The following PSD3 variants were observed in gnomAD, a reference collection of about 807,000 sequenced individuals.
The protein encoded by PSD3 is pleckstrin and Sec7 domain containing 3.
A neutral mutation model predicts 105.5 loss-of-function variants in PSD3; 49 were observed. That is an observed-to-expected ratio of 0.46 (90% confidence interval 0.37 to 0.59). The LOEUF (loss-of-function observed/expected upper bound fraction) is 0.59. Among genes scored for constraint, PSD3 ranks in the 20% least tolerant of loss-of-function variants. PSD3 has a pLI of 0.00. For synonymous variants in PSD3, 557 were observed against 457.8 expected (o/e 1.22, Z -2.77); for missense variants, 1,561 against 1,263.8 (o/e 1.24, Z -3.57).
chr8:18,944,046 A>G (rs1042804127), intron 1 of PSD3, among the ~76,000 whole-genome samples: 1 of 152,244 alleles, frequency 6.6e-6, no homozygotes, highest in African/African-American at 2.4e-5. Flanking sequence ...CCACCCCACT[A>G]CTATATCACA....
intron 2 of PSD3, among the ~76,000 whole-genome samples, chr8:18,884,830 T>TA (rs1818353818): frequency 6.6e-6 from 1 of 152,232 alleles, no homozygotes; most frequent in Non-Finnish European, 1.5e-5. Flanking sequence ...GAAATGATAC[T>TA]AGTTTACCAT....
chr8:18,662,160 G>A (rs1007388949), intron 9 of PSD3, among the ~76,000 whole-genome samples: 4 of 151,990 alleles, frequency 2.6e-5, no homozygotes, highest in South Asian at 2.1e-4. Context: ...GCACAAATTC[G>A]TATTAATGAA....
Position 19,013,610 on chromosome 8 carries a change from C to G in PSD3, c.-27G>C. The G allele has an allele frequency of 7.0e-7, 1 of 1,428,814 alleles. No individual in the cohort carries two copies. The highest frequency in any genetic ancestry group is 9.1e-7 in the Non-Finnish European group (1 of 1,096,610). 88.5% of individuals were successfully genotyped at this position (1,428,814 alleles called of 1,614,324 possible). On this transcript the variant is annotated 5_prime_UTR_variant, in exon 1 of 16. Transcript: ENST00000327040. ...TTCCATCGCCAGCCCGGCCGCGCGC[C>G]GAAACCGCCGCCGGGCGCTCCGGGG...
chr8:18,758,811 C>T (rs1269019102), intron 9 of PSD3, among the ~76,000 whole-genome samples: 1 of 152,066 alleles, frequency 6.6e-6, no homozygotes. Context: ...ATAATCCTTT[C>T]AGCTGACAAG....
chr8:19,072,968 C>G lies in PSD3; in HGVS notation c.324+11238G>C, dbSNP rs149068016. Among the ~76,000 whole-genome samples, 329 of 152,286 alleles carry G rather than the reference C, an allele frequency of 2.2e-3. 3 individuals carry two copies. The highest frequency in any genetic ancestry group is 7.5e-3 in the African/African-American group (310 of 41,540). On this transcript the variant is annotated intron_variant, in intron 1 of 1. Transcript: ENST00000521475. Reference sequence around the variant, plus strand: ...CTATAAAGGATGGGGAACCCTGAGACTATCCGAGACTGAATTTCTTGCTGG... The same window carrying G: ...CTATAAAGGATGGGGAACCCTGAGAGTATCCGAGACTGAATTTCTTGCTGG...
chr8:19,024,543 T>C (rs546384928), intron 1 of PSD3, among the ~76,000 whole-genome samples: 1 of 152,322 alleles, frequency 6.6e-6, no homozygotes, highest in East Asian at 1.9e-4. Flanking sequence ...GAGTCCTTCA[T>C]TTTTTATTCA....
chr8:18,963,665 A>G (rs981826359), intron 1 of PSD3, among the ~76,000 whole-genome samples: 1 of 152,206 alleles, frequency 6.6e-6, no homozygotes, highest in Non-Finnish European at 1.5e-5. Context: ...AGAAAATAAG[A>G]AATGGGGGGA....
intron 9 of PSD3, chr8:18,683,737 A>T (rs761138619): frequency 1.3e-6 from 1 of 757,682 alleles, no homozygotes; most frequent in South Asian, 1.4e-5. Flanking sequence ...GCCCTGCCAC[A>T]CAGCTGTCAA....
chr8:18,572,098 T>C (rs1003367840), intron 14 of PSD3, among the ~76,000 whole-genome samples: 4 of 152,192 alleles, frequency 2.6e-5, no homozygotes, highest in Admixed American at 2.6e-4. Context: ...CCATTTCCCA[T>C]TGTAATATGA....
chr8:18,999,244 C>T (rs74474376), intron 1 of PSD3, among the ~76,000 whole-genome samples: 15,721 of 151,920 alleles, frequency 0.1, 1,214 homozygotes, highest in Non-Finnish European at 0.16. Context: ...TTCTTAACCA[C>T]CCTCCAATTA....
At chr8:18,955,652 T>C (rs1823520531) in intron 1 of PSD3, among the ~76,000 whole-genome samples, 1 of 152,230 alleles carries the variant, frequency 6.6e-6, no homozygotes, top group Non-Finnish European at 1.5e-5. Context: ...ATACTCTTGA[T>C]ACACGTTGCT....
At chr8:18,819,279 CAG>C (rs1462752268) in intron 4 of PSD3, among the ~76,000 whole-genome samples, 1 of 152,084 alleles carries the variant, frequency 6.6e-6, no homozygotes, top group Admixed American at 6.5e-5. Context: ...CTAAAAAAGA[CAG>C]AGTCTAAAGG....
At chr8:18,777,024 T>C (rs1808167119) in intron 8 of PSD3, among the ~76,000 whole-genome samples, 1 of 152,094 alleles carries the variant, frequency 6.6e-6, no homozygotes, top group African/African-American at 2.4e-5. Context: ...TTTCTTAGAC[T>C]AGCAAAAAGT....
At position 18,632,649 on chromosome 8, in the gene PSD3, C is replaced by T. The variant is rs1806983487; in HGVS notation, c.2374G>A (p.Ala792Thr). ...NAAVYKSGFL[A>T]RKIHADMDGK... The stretch of plus-strand genomic sequence containing the variant: ...TCCATATCTGCATGAATTTTCCGAG[C>T]CAAGAATCCACTTTTGTACACAGCA... Residue 792 changes from alanine (A) to threonine (T), a missense_variant, in exon 11 of 16, where the codon GCT (alanine) becomes ACT (threonine). Physicochemically the swap from Ala to Thr is moderately conservative, Grantham distance 58. Transcript: ENST00000327040. The T allele has an allele frequency of 6.2e-7, 1 of 1,612,222 alleles. No individual in the cohort carries two copies. The highest frequency in any genetic ancestry group is 2.2e-5 in the East Asian group (1 of 44,820).
Position 18,580,304 on chromosome 8 carries a change from A to T in PSD3, c.2482-5019T>A, listed in dbSNP as rs7838263. Reference sequence around the variant, plus strand: ...TCTTGGGCACATCAGCTCCAGACTGATTGCTGTCATCACAGTCTGGGAGGC... The same window carrying T: ...TCTTGGGCACATCAGCTCCAGACTGTTTGCTGTCATCACAGTCTGGGAGGC... On this transcript the variant is annotated intron_variant, in intron 12 of 15. Coordinates refer to ENST00000327040, the MANE Select transcript of PSD3 (RefSeq NM_015310.4). Among the ~76,000 whole-genome samples the T allele has an allele frequency of 4.1e-3, 617 of 152,176 alleles. 6 individuals are homozygous for T. The highest frequency in any genetic ancestry group is 0.014 in the African/African-American group (586 of 41,528).
chr8:18,765,450 T>C lies in PSD3; in HGVS notation c.2171A>G (p.Lys724Arg). Residue 724 changes from lysine (K) to arginine (R), a missense_variant and splice_region_variant, in exon 9 of 16, where the codon AAA (lysine) becomes AGA (arginine). Physicochemically the swap from Lys to Arg is conservative, Grantham distance 26. Coordinates refer to ENST00000327040, the MANE Select transcript of PSD3 (RefSeq NM_015310.4). ...EGVDFSKDLL[K>R]ALYNSIKNEK... is the part of the protein sequence containing the mutation. ...AAAAACCAATAGTTCCATGCTTACT[T>C]TCAGCAGATCCTTGGAGAAATCAAC... The C allele has an allele frequency of 6.2e-7, 1 of 1,603,762 alleles. No homozygotes were observed. Among genetic ancestry groups the C allele is most frequent in the Non-Finnish European group, 8.5e-7 (1 of 1,170,562 alleles).
intron 1 of PSD3, among the ~76,000 whole-genome samples, chr8:18,963,247 T>C (rs1824031895): frequency 1.3e-5 from 2 of 152,146 alleles, no homozygotes; most frequent in African/African-American, 4.8e-5. Context: ...ATGGGAATTA[T>C]GGGCATACAA....
chr8:18,758,435 A>C (rs1451802048), intron 9 of PSD3, among the ~76,000 whole-genome samples: 1 of 149,202 alleles, frequency 6.7e-6, no homozygotes, highest in Admixed American at 6.7e-5. Context: ...TTTTTTTAAG[A>C]AGAATCATTA....
At chr8:18,997,818 G>A (rs1826161010) in intron 1 of PSD3, among the ~76,000 whole-genome samples, 1 of 151,674 alleles carries the variant, frequency 6.6e-6, no homozygotes. Flanking sequence ...ACCTCAACAA[G>A]GTCATCCTTG....
Sources: gnomAD v4.1 joint callset for allele counts (sites outside exome capture counted in the v4.1 genomes callset) on GRCh38, gnomAD v4.1.1 for gene constraint, MANE v1.5 for transcripts, NCBI Gene and HGNC (gene_info 2026-07-23, HGNC 2026-07-21) for gene names.